The following WDR53 variants were observed in gnomAD, a reference collection of about 807,000 sequenced individuals.
WDR53 encodes WD repeat-containing protein 53.
In WDR53, 19 loss-of-function variants were observed where a neutral mutation model predicts 21.3. The ratio of observed to expected loss-of-function variants is 0.89; its 90% confidence interval spans 0.62 to 1.31. The LOEUF (loss-of-function observed/expected upper bound fraction) is 1.31. WDR53 is among the 50% of genes most tolerant of loss of function. The pLI is 0.00. For synonymous variants in WDR53, 157 were observed against 163.4 expected (o/e 0.96, Z 0.30); for missense variants, 374 against 423.2 (o/e 0.88, Z 1.02).
intron 2 of WDR53, among the ~76,000 whole-genome samples, chr3:196,562,813 G>C (rs1735007486): frequency 6.6e-6 from 1 of 152,154 alleles, no homozygotes; most frequent in Non-Finnish European, 1.5e-5. Context: ...TTGACTCTTA[G>C]GATTTGTAAC....
At chr3:196,567,640 T>G (rs191696654) in intron 1 of WDR53, among the ~76,000 whole-genome samples, 1 of 152,164 alleles carries the variant, frequency 6.6e-6, no homozygotes, top group East Asian at 1.9e-4. Context: ...GTTCACACCG[T>G]GGCTCAAATG....
At position 196,554,364 on chromosome 3, in the gene WDR53, ATC is replaced by A; in HGVS notation, c.922_923del (p.Asp308Ter). The A allele has an allele frequency of 6.2e-7, 1 of 1,614,040 alleles. No homozygotes were observed. Among genetic ancestry groups the A allele is most frequent in the Non-Finnish European group, 8.5e-7 (1 of 1,180,012 alleles). ...GTAAAATGTTGCCATGTTCTTCCTC[ATC>A]TGTTACTGAAGCGTTAGTATTTCCA... is the stretch of plus-strand genomic sequence containing the variant. ...QGGNTNASVTDEEEHGNILPK... is the reference protein window; with the variant it reads ...QGGNTNASVTXEEEHGNILPK... On this transcript the variant is annotated frameshift_variant, in exon 4 of 4. Coordinates refer to ENST00000332629, the MANE Select transcript of WDR53 (RefSeq NM_182627.3). LOFTEE classifies it high-confidence loss of function.
In WDR53 at chr3:196,554,694, G is replaced by T; in HGVS notation, c.594C>A (p.Ala198=). ...AAGCCACAGAGATAGAATGGGCTAGGGCAGGGTTTAAGAGCTGACCAGGTG... is the reference window on the plus strand; with the variant it reads ...AAGCCACAGAGATAGAATGGGCTAGTGCAGGGTTTAAGAGCTGACCAGGTG... ...PQSPGQLLNP[A]LAHSISVASC... Residue 198 remains alanine, a synonymous_variant, in exon 4 of 4, where the codon GCC becomes GCA. Coordinates refer to ENST00000332629, the MANE Select transcript of WDR53 (RefSeq NM_182627.3). 6.2e-7 allele frequency: 1 copy of T among 1,614,054 alleles called. No homozygotes were observed. Among genetic ancestry groups the T allele is most frequent in the Non-Finnish European group, 8.5e-7 (1 of 1,179,998 alleles).
intron 2 of WDR53, among the ~76,000 whole-genome samples, chr3:196,562,211 A>G (rs1734940173): frequency 6.6e-6 from 1 of 152,116 alleles, no homozygotes. Flanking sequence ...CCCTAGATCT[A>G]CTGAATCTGA....
chr3:196,561,066 T>C lies in WDR53; in HGVS notation c.410A>G (p.Asn137Ser), dbSNP rs781676872. The change falls in exon 3 of 4, where the codon AAT becomes AGT. Residue 137 changes from asparagine (N) to serine (S), a missense_variant. Physicochemically the swap from Asn to Ser is conservative, Grantham distance 46. Transcript: ENST00000332629. ...CCGAAAAGCCACTGAGGAGCAGATA[T>C]TGGAATGTCTCTTCAAGGATCTGAT... ...KVIRSLKRHS[N>S]ICSSVAFRPQ... The C allele has an allele frequency of 9.9e-6, 16 of 1,614,112 alleles. No homozygotes were observed. The highest frequency in any genetic ancestry group is 1.6e-4 in the Middle Eastern group (1 of 6,084).
chr3:196,565,259 T>C (rs1735266922), intron 2 of WDR53, among the ~76,000 whole-genome samples: 1 of 116,406 alleles, frequency 8.6e-6, no homozygotes, highest in Non-Finnish European at 1.8e-5. Flanking sequence ...TTACTGGGAA[T>C]GTTAAAAAAA....
intron 3 of WDR53, among the ~76,000 whole-genome samples, chr3:196,557,053 T>A (rs1734383958): frequency 6.6e-6 from 1 of 151,240 alleles, no homozygotes; most frequent in Non-Finnish European, 1.5e-5. Flanking sequence ...CTCATCCTAA[T>A]CAAGAGAGCT....
intron 2 of WDR53, among the ~76,000 whole-genome samples, chr3:196,562,473 G>C (rs1734974930): frequency 6.6e-6 from 1 of 151,956 alleles, no homozygotes; most frequent in Non-Finnish European, 1.5e-5. Context: ...TGTTGGCCAG[G>C]CTGGTCTCAA....
intron 3 of WDR53, among the ~76,000 whole-genome samples, chr3:196,560,709 A>C (rs1401664147): frequency 6.6e-6 from 1 of 152,162 alleles, no homozygotes; most frequent in Non-Finnish European, 1.5e-5. Flanking sequence ...TTTAGTACTC[A>C]CTGTTTGTTT....
At chr3:196,562,221 A>T (rs1159730180) in intron 2 of WDR53, among the ~76,000 whole-genome samples, 3 of 152,132 alleles carry the variant, frequency 2.0e-5, no homozygotes, top group Admixed American at 2.0e-4. Flanking sequence ...ACTGAATCTG[A>T]AAATGGGGGT....
chr3:196,558,787 A>AT, intron 3 of WDR53, among the ~76,000 whole-genome samples: 1 of 152,232 alleles, frequency 6.6e-6, no homozygotes, highest in South Asian at 2.1e-4. Flanking sequence ...AACTGTGGAA[A>AT]TAATTATAGA....
Position 196,566,516 on chromosome 3 carries a change from C to T in WDR53, c.-17+361G>A, listed in dbSNP as rs538722897. On this transcript the variant is annotated intron_variant, in intron 2 of 3. Coordinates refer to ENST00000332629, the MANE Select transcript of WDR53 (RefSeq NM_182627.3). The stretch of plus-strand genomic sequence containing the variant: ...GCAACCTCCGTCTCCCAGGTTCAAG[C>T]GATTCTTGTGCCTCAGCCTCCTGAG... Among the ~76,000 whole-genome samples the T allele has an allele frequency of 1.2e-3, 186 of 150,404 alleles. 1 individual carries two copies. The highest frequency in any genetic ancestry group is 4.3e-3 in the African/African-American group (176 of 40,794).
At chr3:196,563,575 CTT>C (rs11332529) in intron 2 of WDR53, among the ~76,000 whole-genome samples, 73 of 143,738 alleles carry the variant, frequency 5.1e-4, no homozygotes, top group Non-Finnish European at 4.7e-4. Flanking sequence ...CAACACAAAG[CTT>C]TTTTTTTTTT....
chr3:196,556,572 C>A (rs1390989173), intron 3 of WDR53, among the ~76,000 whole-genome samples: 1 of 151,306 alleles, frequency 6.6e-6, no homozygotes, highest in Admixed American at 6.6e-5. Flanking sequence ...AGGAGAATGG[C>A]GTGAACCTGG....
In WDR53 at chr3:196,567,078, A is replaced by C; in HGVS notation, c.-218T>G. On this transcript the variant is annotated 5_prime_UTR_variant, in exon 2 of 4. It removes the in-frame stop codon of an upstream open reading frame in the 5' UTR. Coordinates refer to ENST00000332629, the MANE Select transcript of WDR53 (RefSeq NM_182627.3). ...TAGTCATACCACCACCGTCCCGTTC[A>C]AGAGTCTGTGCCTCTAAGGCTGTTC... 2.2e-6 allele frequency: 1 copy of C among 450,980 alleles called. No individual in the cohort carries two copies. The highest frequency in any genetic ancestry group is 4.5e-6 in the Non-Finnish European group (1 of 223,980). The allele number at this position is 450,980 out of a possible 1,614,324, so 27.9% of individuals were successfully genotyped here. A position where few individuals can be genotyped will look rare whatever the true frequency, so the allele number is the denominator to read the frequency against.
At chr3:196,559,876 C>A (rs138387817) in intron 3 of WDR53, among the ~76,000 whole-genome samples, 1 of 148,114 alleles carries the variant, frequency 6.8e-6, no homozygotes, top group Non-Finnish European at 1.5e-5. Flanking sequence ...ATTTCAGTTT[C>A]TTTATTTATT....
chr3:196,554,484 C>T lies in WDR53; in HGVS notation c.804G>A (p.Trp268Ter). The T allele has an allele frequency of 6.2e-7, 1 of 1,614,018 alleles. No individual in the cohort carries two copies. Among genetic ancestry groups the T allele is most frequent in the Non-Finnish European group, 8.5e-7 (1 of 1,180,018 alleles). The change falls in exon 4 of 4, where the codon TGG becomes TGA. Residue 268 changes from tryptophan (W) to a stop codon, truncating the protein, a stop_gained. Coordinates refer to ENST00000332629, the MANE Select transcript of WDR53 (RefSeq NM_182627.3). LOFTEE classifies it low-confidence loss of function (END_TRUNC). ...TGGNDGKITL[W>*]DANSEVEKKQ... ...TTTTCTCAACTTCACTGTTTGCATC[C>T]CACAACGTGATCTTCCCATCATTCC...
At chr3:196,556,423 G>A (rs886066262) in intron 3 of WDR53, among the ~76,000 whole-genome samples, 1 of 152,074 alleles carries the variant, frequency 6.6e-6, no homozygotes, top group African/African-American at 2.4e-5. Context: ...TTGGGAGGCT[G>A]AGGTGGGCGG....
At chr3:196,555,745 C>G (rs1210352001) in intron 3 of WDR53, among the ~76,000 whole-genome samples, 1 of 152,176 alleles carries the variant, frequency 6.6e-6, no homozygotes. Context: ...CAGTGAAAAG[C>G]ATAGATCTGA....
Sources: allele counts gnomAD v4.1 joint callset (sites outside exome capture counted in the v4.1 genomes callset), GRCh38; gene constraint gnomAD v4.1.1; transcripts MANE v1.5; gene names NCBI Gene and HGNC (gene_info 2026-07-23, HGNC 2026-07-21).